RALGAPA1: variants seen among roughly 807,000 people sequenced by gnomAD.
RALGAPA1 encodes the protein Ral GTPase activating protein catalytic subunit alpha 1, also known as ral GTPase-activating protein subunit alpha-1.
Under a neutral mutation model 269.6 loss-of-function variants are expected in RALGAPA1, and 52 were observed. The ratio of observed to expected loss-of-function variants is 0.19; its 90% CI spans 0.15 to 0.24. The LOEUF (loss-of-function observed/expected upper bound fraction) is 0.24. RALGAPA1 is among the 10% of genes least tolerant of loss of function. RALGAPA1 has a pLI of 1.00. For missense variants in RALGAPA1, 1,917 were observed against 3,013.9 expected, an observed-to-expected ratio of 0.64 and a Z score of 8.52; for synonymous variants, 817 against 1,008.3, an observed-to-expected ratio of 0.81 and a Z score of 3.60.
intron 30 of RALGAPA1, among the ~76,000 whole-genome samples, chr14:35,652,914 T>G (rs1289111254): frequency 6.6e-6 from 1 of 152,216 alleles, no homozygotes; most frequent in Non-Finnish European, 1.5e-5. Flanking sequence ...TTATTGTATT[T>G]TTATTTTAGC....
At chr14:35,771,952 A>G (rs1158081352) in intron 3 of RALGAPA1, among the ~76,000 whole-genome samples, 1 of 152,194 alleles carries the variant, frequency 6.6e-6, no homozygotes, top group African/African-American at 2.4e-5. Flanking sequence ...TGATAATCCT[A>G]GAGAAAGTAT....
intron 26 of RALGAPA1, among the ~76,000 whole-genome samples, chr14:35,670,047 T>G (rs2064277993): frequency 6.6e-6 from 1 of 152,236 alleles, no homozygotes; most frequent in Non-Finnish European, 1.5e-5. Context: ...TAAATACCGC[T>G]GCTGCTTTGT....
intron 35 of RALGAPA1, among the ~76,000 whole-genome samples, chr14:35,622,077 C>T (rs555833068): frequency 1.2e-4 from 19 of 152,166 alleles, no homozygotes; most frequent in African/African-American, 2.7e-4. Flanking sequence ...ATGTTTACTG[C>T]GGCACTATTC....
At position 35,676,006 on chromosome 14, in the gene RALGAPA1, G is replaced by GA. The variant is rs912763097; in HGVS notation, c.4625-1298dup. Among the ~76,000 whole-genome samples, 24 of 144,344 alleles carry GA rather than the reference G, an allele frequency of 1.7e-4. 1 individual carries two copies. Among genetic ancestry groups the GA allele is most frequent in the Admixed American group, 4.8e-4 (7 of 14,544 alleles). 94.7% of individuals were successfully genotyped at this position (144,344 alleles called of 152,430 possible). On this transcript the variant is annotated intron_variant, in intron 22 of 41. Transcript: ENST00000680220. ...AGGTACTAGTCTTTCTCCATTACAA[G>GA]AAAAAAAAAAGGTTTCTTGTGTAAA... is the stretch of plus-strand genomic sequence containing the variant.
intron 16 of RALGAPA1, among the ~76,000 whole-genome samples, chr14:35,711,573 G>A (rs1452276703): frequency 6.6e-6 from 1 of 152,110 alleles, no homozygotes; most frequent in Non-Finnish European, 1.5e-5. Flanking sequence ...TCAGCCTCCT[G>A]AGTAGCCGGG....
At chr14:35,608,592 T>G (rs1161116711) in intron 35 of RALGAPA1, among the ~76,000 whole-genome samples, 1 of 152,128 alleles carries the variant, frequency 6.6e-6, no homozygotes, top group Non-Finnish European at 1.5e-5. Context: ...CAAAAAATGT[T>G]AGAGATAGAG....
intron 16 of RALGAPA1, among the ~76,000 whole-genome samples, chr14:35,708,719 AC>A (rs1308578675): frequency 2.6e-5 from 4 of 152,162 alleles, no homozygotes; most frequent in Admixed American, 2.6e-4. Flanking sequence ...AAATAGAGCT[AC>A]CAATCCAGCA....
intron 16 of RALGAPA1, among the ~76,000 whole-genome samples, chr14:35,713,322 T>C (rs998299774): frequency 2.0e-5 from 3 of 152,166 alleles, no homozygotes; most frequent in East Asian, 1.9e-4. Flanking sequence ...TTTGGGGATA[T>C]AGGAGAGAGA....
intron 35 of RALGAPA1, among the ~76,000 whole-genome samples, chr14:35,618,276 C>T (rs528840383): frequency 3.7e-4 from 57 of 152,108 alleles, no homozygotes; most frequent in African/African-American, 1.3e-3. Flanking sequence ...GCCAAAAGAT[C>T]AGGCAGGGTT....
chr14:35,576,782 C>A (rs928312426), intron 37 of RALGAPA1, among the ~76,000 whole-genome samples: 2 of 152,122 alleles, frequency 1.3e-5, no homozygotes, highest in Admixed American at 1.3e-4. Context: ...TAAGGTCATA[C>A]AAATAGTAAG....
intron 36 of RALGAPA1, among the ~76,000 whole-genome samples, chr14:35,601,503 T>C (rs1268411385): frequency 6.6e-6 from 1 of 152,162 alleles, no homozygotes; most frequent in East Asian, 1.9e-4. Flanking sequence ...GCTACAGTAG[T>C]GCAGTTATTA....
At chr14:35,706,191 T>C (rs755657295) in intron 16 of RALGAPA1, among the ~76,000 whole-genome samples, 2 of 152,220 alleles carry the variant, frequency 1.3e-5, no homozygotes, top group Non-Finnish European at 2.9e-5. Flanking sequence ...TTGTTGGTAT[T>C]GTATTATAAA....
chr14:35,726,689 A>G (rs967444953), intron 13 of RALGAPA1, among the ~76,000 whole-genome samples: 5 of 152,222 alleles, frequency 3.3e-5, no homozygotes, highest in Non-Finnish European at 1.5e-5. Context: ...AGGGAAGTTT[A>G]AAAATTAAGA....
Position 35,777,459 on chromosome 14 carries a change from T to C in RALGAPA1, c.107-1714A>G, listed in dbSNP as rs940853809. On this transcript the variant is annotated intron_variant, in intron 1 of 41. Transcript: ENST00000680220. ...TCATTTTCAGTGTAAGTGAGAATGCTGGTGAAAAAGAGTGGAGAAATTCTA... is the reference window on the plus strand; with the variant it reads ...TCATTTTCAGTGTAAGTGAGAATGCCGGTGAAAAAGAGTGGAGAAATTCTA... 5.9e-5 allele frequency among the ~76,000 whole-genome samples: 9 copies of C among 152,220 alleles called. No individual in the cohort carries two copies. In the East Asian group the frequency reaches 1.7e-3, roughly 29 times the overall value.
At chr14:35,681,574 A>G (rs556537843) in intron 21 of RALGAPA1, among the ~76,000 whole-genome samples, 2 of 152,328 alleles carry the variant, frequency 1.3e-5, no homozygotes, top group Admixed American at 1.3e-4. Flanking sequence ...TGTATATGGA[A>G]ATCTTTTGGA....
At chr14:35,767,129 G>T in intron 4 of RALGAPA1, 1 of 200,714 alleles carries the variant, frequency 5.0e-6, no homozygotes, top group Non-Finnish European at 1.0e-5. Flanking sequence ...AATATATCAT[G>T]CAAAATTTTT....
chr14:35,609,731 T>C (rs1057507651), intron 35 of RALGAPA1, among the ~76,000 whole-genome samples: 1 of 151,890 alleles, frequency 6.6e-6, no homozygotes, highest in Non-Finnish European at 1.5e-5. Flanking sequence ...GAGACCAGCC[T>C]GGGCAACACA....
chr14:35,688,329 G>T, intron 18 of RALGAPA1, 130 bp downstream of exon 18: 2 of 991,534 alleles, frequency 2.0e-6, no homozygotes, highest in South Asian at 1.7e-5. Context: ...AAAGGCGCAT[G>T]CATAACCAAA....
intron 39 of RALGAPA1, among the ~76,000 whole-genome samples, chr14:35,555,854 G>A (rs1452924101): frequency 6.6e-6 from 1 of 152,146 alleles, no homozygotes; most frequent in Non-Finnish European, 1.5e-5. Context: ...TGACCTAGGT[G>A]TTGTGCGGTG....
Sources: gnomAD v4.1 joint callset for allele counts (sites outside exome capture counted in the v4.1 genomes callset) on GRCh38, gnomAD v4.1.1 for gene constraint, MANE v1.5 for transcripts, NCBI Gene and HGNC (gene_info 2026-07-23, HGNC 2026-07-21) for gene names.